The following PARD3 variants were observed in gnomAD, a reference collection of about 807,000 sequenced individuals.
The protein encoded by PARD3 is partitioning defective 3 homolog.
Under a neutral mutation model 155.4 loss-of-function variants are expected in PARD3, and 75 were observed. That is an observed-to-expected ratio of 0.48 (90% CI 0.40 to 0.58). The LOEUF (loss-of-function observed/expected upper bound fraction) is 0.58, where lower values mean the gene tolerates loss of function less well. Among genes scored for constraint, PARD3 ranks in the 20% least tolerant of loss-of-function variants. PARD3 has a pLI of 0.00. For synonymous variants in PARD3, 576 were observed against 610.5 expected (o/e 0.94, Z 0.83); for missense variants, 1,642 against 1,721.7 (o/e 0.95, Z 0.82).
At chr10:34,789,446 G>A (rs896140108) in intron 1 of PARD3, among the ~76,000 whole-genome samples, 4 of 151,960 alleles carry the variant, frequency 2.6e-5, no homozygotes, top group Admixed American at 6.6e-5. Context: ...ACCTGTAATC[G>A]AAACACTTTG....
intron 22 of PARD3, among the ~76,000 whole-genome samples, chr10:34,165,213 T>G (rs765027383): frequency 5.9e-5 from 9 of 152,220 alleles, no homozygotes; most frequent in Non-Finnish European, 1.3e-4. Flanking sequence ...GAACTAGGTC[T>G]CACCCAGTTT....
At chr10:34,510,298 G>C (rs866599495) in intron 3 of PARD3, among the ~76,000 whole-genome samples, 1 of 152,106 alleles carries the variant, frequency 6.6e-6, no homozygotes, top group African/African-American at 2.4e-5. Flanking sequence ...CCATGCAAAA[G>C]CATTCCCACT....
At chr10:34,113,528 C>T (rs1303242561) in intron 24 of PARD3, among the ~76,000 whole-genome samples, 3 of 151,340 alleles carry the variant, frequency 2.0e-5, no homozygotes, top group East Asian at 3.9e-4. Flanking sequence ...CACACATAGA[C>T]ACACACACAC....
At chr10:34,249,147 A>AATACAT (rs1954139765) in intron 22 of PARD3, among the ~76,000 whole-genome samples, 1 of 152,146 alleles carries the variant, frequency 6.6e-6, no homozygotes, top group Admixed American at 6.6e-5. Flanking sequence ...TACACTTCTG[A>AATACAT]ATACATATAC....
chr10:34,317,823 A>G (rs1054948318), intron 19 of PARD3, among the ~76,000 whole-genome samples: 1 of 152,240 alleles, frequency 6.6e-6, no homozygotes, highest in Non-Finnish European at 1.5e-5. Context: ...TGTCAGCACA[A>G]GGACTTCTTT....
At chr10:34,326,740 C>A (rs1253523861) in intron 19 of PARD3, among the ~76,000 whole-genome samples, 2 of 152,154 alleles carry the variant, frequency 1.3e-5, no homozygotes, top group African/African-American at 4.8e-5. Flanking sequence ...AATTCAGTTT[C>A]TTCAAATTTC....
chr10:34,761,311 T>A (rs1440066882), intron 1 of PARD3, among the ~76,000 whole-genome samples: 1 of 152,086 alleles, frequency 6.6e-6, no homozygotes, highest in Non-Finnish European at 1.5e-5. Flanking sequence ...CTCGGGAGGC[T>A]GAGGCAGGAG....
chr10:34,764,723 T>G (rs1837870060), intron 1 of PARD3, among the ~76,000 whole-genome samples: 1 of 151,970 alleles, frequency 6.6e-6, no homozygotes, highest in South Asian at 2.1e-4. Context: ...TGGGAACTGT[T>G]GACTGGAAAG....
chr10:34,480,994 G>T (rs1005328027), intron 3 of PARD3, among the ~76,000 whole-genome samples: 2 of 151,354 alleles, frequency 1.3e-5, no homozygotes, highest in Admixed American at 1.3e-4. Context: ...TAGAGATGGG[G>T]TTTCACCATG....
intron 14 of PARD3, among the ~76,000 whole-genome samples, chr10:34,355,971 AGAC>A (rs1838831161): frequency 6.7e-6 from 1 of 150,214 alleles, no homozygotes; most frequent in Admixed American, 6.6e-5. Context: ...ACAAAAAAAC[AGAC>A]AACAGACCCA....
chr10:34,161,735 T>C (rs1050616828), intron 22 of PARD3, among the ~76,000 whole-genome samples: 2 of 152,150 alleles, frequency 1.3e-5, no homozygotes, highest in African/African-American at 4.8e-5. Flanking sequence ...GACACGAACA[T>C]TCCTCCCTTT....
intron 1 of PARD3, among the ~76,000 whole-genome samples, chr10:34,811,466 T>C (rs573309019): frequency 6.0e-4 from 91 of 152,216 alleles, no homozygotes; most frequent in African/African-American, 2.2e-3. Context: ...CTCACCCAGT[T>C]AGCAAGCACT....
At chr10:34,111,950 G>A (rs16935081) in intron 24 of PARD3, among the ~76,000 whole-genome samples, 3,627 of 152,216 alleles carry the variant, frequency 0.024, 156 homozygotes, top group East Asian at 0.18. Context: ...ATAATTGCTC[G>A]CTTTAGAACA....
At chr10:34,227,987 C>T (rs1952713166) in intron 22 of PARD3, among the ~76,000 whole-genome samples, 1 of 149,726 alleles carries the variant, frequency 6.7e-6, no homozygotes, top group Non-Finnish European at 1.5e-5. Flanking sequence ...GCACTATTTA[C>T]AATAGCAAAG....
intron 1 of PARD3, among the ~76,000 whole-genome samples, chr10:34,722,443 TAA>T (rs897286410): frequency 1.6e-4 from 24 of 152,206 alleles, no homozygotes; most frequent in African/African-American, 5.8e-4. Flanking sequence ...AAGGTCACTA[TAA>T]ACTATAATCA....
chr10:34,510,124 C>G (rs1343464509), intron 3 of PARD3, among the ~76,000 whole-genome samples: 1 of 152,206 alleles, frequency 6.6e-6, no homozygotes, highest in Non-Finnish European at 1.5e-5. Flanking sequence ...ACTCCATTTA[C>G]TCCCTAAGTT....
chr10:34,131,022 C>T (rs1211604201), intron 23 of PARD3, among the ~76,000 whole-genome samples: 2 of 152,142 alleles, frequency 1.3e-5, no homozygotes, highest in African/African-American at 2.4e-5. Context: ...ATCGCACCAC[C>T]GCACTCCAGC....
intron 14 of PARD3, among the ~76,000 whole-genome samples, chr10:34,357,293 A>G (rs1486172781): frequency 6.6e-6 from 1 of 152,162 alleles, no homozygotes; most frequent in Non-Finnish European, 1.5e-5. Context: ...AGGTGTTAAA[A>G]ATTTTAATTG....
intron 2 of PARD3, among the ~76,000 whole-genome samples, chr10:34,587,902 C>T (rs1359281): frequency 0.53 from 80,029 of 151,990 alleles, 24,464 homozygotes; most frequent in African/African-American, 0.86. Flanking sequence ...TGGAATCACC[C>T]GTATACTCAC....
Sources: gnomAD v4.1 joint callset for allele counts (sites outside exome capture counted in the v4.1 genomes callset) on GRCh38, gnomAD v4.1.1 for gene constraint, MANE v1.5 for transcripts, NCBI Gene and HGNC (gene_info 2026-07-23, HGNC 2026-07-21) for gene names.